The following ARHGAP45 variants were observed in gnomAD, a reference collection of about 807,000 sequenced individuals.
The protein encoded by ARHGAP45 is Rho GTPase activating protein 45, also known as rho GTPase-activating protein 45.
A neutral mutation model predicts 116.1 loss-of-function variants in ARHGAP45; 56 were observed. The observed-to-expected ratio is 0.48, with a 90% CI of 0.39 to 0.60. The LOEUF is 0.60. Ranked by LOEUF, ARHGAP45 falls within the 20% of genes least tolerant of loss-of-function variation. The pLI is 0.00. For synonymous variants in ARHGAP45, 866 were observed against 701.7 expected, an observed-to-expected ratio of 1.23 and a Z score of -3.70; for missense variants, 1,622 against 1,601.0, an observed-to-expected ratio of 1.01 and a Z score of -0.22.
chr19:1,076,299 T>G (rs2043246331), intron 10 of ARHGAP45, among the ~76,000 whole-genome samples: 1 of 152,144 alleles, frequency 6.6e-6, no homozygotes, highest in African/African-American at 2.4e-5. Context: ...ATCCTTTGCT[T>G]ACTTTGTACT....
Position 1,086,236 on chromosome 19 carries a change from C to T in ARHGAP45, c.*230C>T, listed in dbSNP as rs955483944. The T allele has an allele frequency of 1.1e-5, 6 of 542,778 alleles. No individual in the cohort carries two copies. In the South Asian group the frequency reaches 1.1e-4, roughly 10 times the overall value. 33.6% of individuals were successfully genotyped at this position (542,778 alleles called of 1,614,324 possible). On this transcript the variant is annotated 3_prime_UTR_variant, in exon 23 of 23. Transcript: ENST00000313093. ...TGCTGTCCCCTGCACCCCGGCTCAGCTGAGCTGGGGAACACTGCTGTCGTG... is the reference window on the plus strand; with the variant it reads ...TGCTGTCCCCTGCACCCCGGCTCAGTTGAGCTGGGGAACACTGCTGTCGTG...
At chr19:1,066,032 C>A (rs983423806), upstream of ARHGAP45, 1 of 1,535,470 alleles carries the variant, frequency 6.5e-7, no homozygotes, top group Non-Finnish European at 8.7e-7. Flanking sequence ...CGCCATGAGT[C>A]GGGGGCAAAG....
At position 1,086,029 on chromosome 19, in the gene ARHGAP45, A is replaced by C. The variant is rs765602130; in HGVS notation, c.*23A>C. 3.8e-6 allele frequency: 6 copies of C among 1,592,900 alleles called. No homozygotes were observed. Among genetic ancestry groups the C allele is most frequent in the Non-Finnish European group, 4.3e-6 (5 of 1,165,284 alleles). On this transcript the variant is annotated 3_prime_UTR_variant, in exon 23 of 23. Coordinates refer to ENST00000313093, the MANE Select transcript of ARHGAP45 (RefSeq NM_012292.5). ...TGAGCTGGGGTGGGGCTGGGACCACAGGTGGCTTCTCTCTTGCCTGCTCCT... is the reference window on the plus strand; with the variant it reads ...TGAGCTGGGGTGGGGCTGGGACCACCGGTGGCTTCTCTCTTGCCTGCTCCT...
At position 1,074,707 on chromosome 19, in the gene ARHGAP45, A is replaced by G. The variant is rs760044520; in HGVS notation, c.1087A>G (p.Thr363Ala). The G allele has an allele frequency of 7.5e-6, 12 of 1,608,666 alleles. No individual in the cohort carries two copies. The African/African-American group carries it at 1.5e-4, about 20-fold the overall frequency. The change falls in exon 9 of 23, where the codon ACC (threonine) becomes GCC (alanine). Residue 363 changes from threonine to alanine, a missense_variant. Physicochemically the swap from Thr to Ala is moderately conservative, Grantham distance 58. Around this residue, in one of 3 missense-constraint regions of ARHGAP45, gnomAD observed 1,334 missense variants for 1,263.8 expected, o/e 1.06. Coordinates refer to ENST00000313093, the MANE Select transcript of ARHGAP45 (RefSeq NM_012292.5). The stretch of plus-strand genomic sequence containing the variant: ...GGTGCAGGCGGTGGGCACCTTGCAG[A>G]CCCAGACCTTCATGCAGGTGCGTGG... ...SMVQAVGTLQ[T>A]QTFMQPLTLR...
Position 1,086,021 on chromosome 19 carries a change from G to A in ARHGAP45, c.*15G>A, listed in dbSNP as rs1002096275. 1.1e-5 allele frequency: 17 copies of A among 1,600,832 alleles called. No individual in the cohort carries two copies. The highest frequency in any genetic ancestry group is 1.4e-5 in the Non-Finnish European group (16 of 1,171,330). On this transcript the variant is annotated 3_prime_UTR_variant, in exon 23 of 23. Transcript: ENST00000313093. Reference sequence around the variant, plus strand: ...AATTCGTGTGAGCTGGGGTGGGGCTGGGACCACAGGTGGCTTCTCTCTTGC... The same window carrying A: ...AATTCGTGTGAGCTGGGGTGGGGCTAGGACCACAGGTGGCTTCTCTCTTGC...
At position 1,079,752 on chromosome 19, in the gene ARHGAP45, CGCAGAA is replaced by C; in HGVS notation, c.1429_1434del (p.Lys477_Gln478del). 1 of 1,612,600 alleles carries C rather than the reference CGCAGAA, an allele frequency of 6.2e-7. No homozygotes were observed. Among genetic ancestry groups the C allele is most frequent in the Non-Finnish European group, 8.5e-7 (1 of 1,179,730 alleles). ...CGCACCTGCGTGGCCGACGCGAAGA[CGCAGAA>C]GCAGGAGCTGGAGGATACCAAGGTG... On this transcript the variant is annotated inframe_deletion, in exon 12 of 23. Transcript: ENST00000313093.
Position 1,080,492 on chromosome 19 carries a change from A to G in ARHGAP45, c.1857A>G (p.Ser619=). 1 of 1,612,898 alleles carries G rather than the reference A, an allele frequency of 6.2e-7. No homozygotes were observed. The highest frequency in any genetic ancestry group is 1.7e-5 in the Admixed American group (1 of 60,004). ...GGCGAGGACACCAGGTTCACAAGTC[A>G]TGGCCGCTCTCGATCTCAGACTCGG... ...RAGRGHQVHK[S]WPLSISDSDS... Residue 619 remains serine, a synonymous_variant, in exon 15 of 23, where the codon TCA becomes TCG. Transcript: ENST00000313093.
In ARHGAP45 at chr19:1,071,087, T is replaced by G. The variant is rs946128486; in HGVS notation, c.422-2062T>G. 2 of 935,040 alleles carry G rather than the reference T, an allele frequency of 2.1e-6. No homozygotes were observed. Among genetic ancestry groups the G allele is most frequent in the African/African-American group, 3.6e-5 (2 of 55,434 alleles). 57.9% of individuals were successfully genotyped at this position (935,040 alleles called of 1,614,324 possible). On this transcript the variant is annotated intron_variant, in intron 2 of 22. Coordinates refer to ENST00000313093, the MANE Select transcript of ARHGAP45 (RefSeq NM_012292.5). The surrounding 1 kb of genome is among the most constrained non-coding windows in gnomAD (Gnocchi z 4.6). Reference sequence around the variant, plus strand: ...CTTCAGGTCTGGGCCTCAGTTTCCCTGCCCGTCCTCGACCCTCCCCACCTC... The same window carrying G: ...CTTCAGGTCTGGGCCTCAGTTTCCCGGCCCGTCCTCGACCCTCCCCACCTC...
intron 22 of ARHGAP45, 131 bp from the exon 23 acceptor site, chr19:1,085,529 C>CTCCATCTCTCCTGTCTCCCCT (rs147365366): frequency 1.6e-6 from 1 of 643,144 alleles, no homozygotes; most frequent in African/African-American, 2.0e-5. Flanking sequence ...CCTGTCTCTC[C>CTCCATCTCTCCTGTCTCCCCT]CCATCTCTCC....
intron 21 of ARHGAP45, among the ~76,000 whole-genome samples, chr19:1,083,982 C>G (rs1205908120): frequency 6.6e-6 from 1 of 152,120 alleles, no homozygotes; most frequent in East Asian, 1.9e-4. Context: ...CTCAAGTGAT[C>G]CGCACCCCCC....
Position 1,080,029 on chromosome 19 carries a change from G to A in ARHGAP45, c.1614G>A (p.Gln538=), listed in dbSNP as rs753039872. ...GCAGCAAGCTGTATGACCCAGGCCA[G>A]CAGTACGCCTCCCACGTGCGCCAGC... ...CESSKLYDPG[Q]QYASHVRQLQ... is the part of the protein sequence containing the mutation. Residue 538 remains glutamine, a synonymous_variant, in exon 13 of 23, where the codon CAG becomes CAA. Coordinates refer to ENST00000313093, the MANE Select transcript of ARHGAP45 (RefSeq NM_012292.5). The A allele has an allele frequency of 5.0e-6, 8 of 1,612,768 alleles. No homozygotes were observed. The highest frequency in any genetic ancestry group is 6.8e-6 in the Non-Finnish European group (8 of 1,179,930).
chr19:1,073,951 A>G lies in ARHGAP45; in HGVS notation c.727A>G (p.Met243Val), dbSNP rs1302017636. The change falls in exon 6 of 23, where the codon ATG becomes GTG. Residue 243 changes from methionine to valine, a missense_variant. Around this residue, in one of 3 missense-constraint regions of ARHGAP45, gnomAD observed 1,334 missense variants for 1,263.8 expected, o/e 1.06. Coordinates refer to ENST00000313093, the MANE Select transcript of ARHGAP45 (RefSeq NM_012292.5). ...CACCTGCGTCTCCGTCCTACAGTCC[A>G]TGGAAAGCCTGTATGGACCGGGCAG... ...AVPPGDSSQS[M>V]ESLYGPGSEG... The G allele has an allele frequency of 1.3e-6, 2 of 1,575,458 alleles. No individual in the cohort carries two copies. Among genetic ancestry groups the G allele is most frequent in the Non-Finnish European group, 1.7e-6 (2 of 1,161,426 alleles).
Position 1,077,484 on chromosome 19 carries a change from C to T in ARHGAP45, c.1186-373C>T, listed in dbSNP as rs527722632. On this transcript the variant is annotated intron_variant, in intron 10 of 22. Transcript: ENST00000313093. The stretch of plus-strand genomic sequence containing the variant: ...CTTCGCCTCCTGGGTTCAAGCTGTT[C>T]GCGATTCTAGTGCCTCAGCCTCCCG... 12 of 1,004,128 alleles carry T rather than the reference C, an allele frequency of 1.2e-5. No individual in the cohort carries two copies. In the African/African-American group the frequency reaches 1.4e-4, roughly 12 times the overall value. The allele number at this position is 1,004,128 out of a possible 1,614,324, so 62.2% of individuals were successfully genotyped here.
intron 10 of ARHGAP45, chr19:1,077,149 G>T: frequency 2.0e-6 from 2 of 985,354 alleles, no homozygotes; most frequent in East Asian, 2.3e-4. Context: ...ACCTGTGGGC[G>T]CCTGGCTTCC....
chr19:1,085,823 GCAGCTGGAGGCCA>G lies in ARHGAP45; in HGVS notation c.3233_3245del (p.Leu1078ProfsTer35). 6.2e-7 allele frequency: 1 copy of G among 1,612,868 alleles called. No individual in the cohort carries two copies. The highest frequency in any genetic ancestry group is 8.5e-7 in the Non-Finnish European group (1 of 1,179,888). On this transcript the variant is annotated frameshift_variant, in exon 23 of 23. Coordinates refer to ENST00000313093, the MANE Select transcript of ARHGAP45 (RefSeq NM_012292.5). LOFTEE classifies it low-confidence loss of function (END_TRUNC). ...CTGGCAGCCACAGCGGCAGTGAGGAGCAGCTGGAGGCCACAGCCCGGGAGGACGGGGACGGGGA... is the reference window on the plus strand; with the variant it reads ...CTGGCAGCCACAGCGGCAGTGAGGAGCAGCCCGGGAGGACGGGGACGGGGA...
Position 1,080,460 on chromosome 19 carries a change from C to G in ARHGAP45, c.1829-4C>G, listed in dbSNP as rs755652224. 3 of 1,612,696 alleles carry G rather than the reference C, an allele frequency of 1.9e-6. No homozygotes were observed. The South Asian group carries it at 3.3e-5, about 18-fold the overall frequency. On this transcript the variant is annotated splice_region_variant and splice_polypyrimidine_tract_variant and intron_variant, in intron 14 of 22. Transcript: ENST00000313093. Reference sequence around the variant, plus strand: ...CCCTTCACCAGAGACGCCTCTTTCTCCAGCCGGGCGAGGACACCAGGTTCA... The same window carrying G: ...CCCTTCACCAGAGACGCCTCTTTCTGCAGCCGGGCGAGGACACCAGGTTCA...
chr19:1,067,678 G>C, intron 1 of ARHGAP45, 183 bp downstream of exon 1: 1 of 721,424 alleles, frequency 1.4e-6, no homozygotes, highest in Non-Finnish European at 2.5e-6. Flanking sequence ...GCTCACGGTA[G>C]GGACCCTGGG....
intron 17 of ARHGAP45, 65 bp from the exon 18 acceptor site, chr19:1,081,485 G>T: frequency 7.1e-7 from 1 of 1,406,730 alleles, no homozygotes; most frequent in Non-Finnish European, 9.3e-7. Flanking sequence ...GTGGGGTGGA[G>T]CCGCTGGGGG....
chr19:1,067,468 G>A lies in ARHGAP45; in HGVS notation c.63G>A (p.Ala21=), dbSNP rs1206882208. Residue 21 remains alanine, a synonymous_variant, in exon 1 of 23, where the codon GCG becomes GCA. Transcript: ENST00000313093. ...CTTCCATCTCGAAAAAGAACCGCGC[G>A]GGAAGCCCCAGCCCGCAGCCCTCGG... The part of the protein sequence containing the change: ...KTPSISKKNR[A]GSPSPQPSGE... The A allele has an allele frequency of 8.1e-6, 13 of 1,605,048 alleles. No homozygotes were observed. The highest frequency in any genetic ancestry group is 1.1e-5 in the Non-Finnish European group (13 of 1,176,662).
Sources: gnomAD v4.1 joint callset for allele counts (sites outside exome capture counted in the v4.1 genomes callset) on GRCh38, gnomAD v4.1.1 for gene constraint, gnomAD v4.1.1 regional missense constraint, Gnocchi (gnomAD v3.1) non-coding constraint, MANE v1.5 for transcripts, NCBI Gene and HGNC (gene_info 2026-07-23, HGNC 2026-07-21) for gene names.